The following NAV3 variants were observed in gnomAD, a reference collection of about 807,000 sequenced individuals.
NAV3 encodes neuron navigator 3, also known as pore membrane and/or filament interacting like protein 1.
Under a neutral mutation model 244.7 loss-of-function variants are expected in NAV3, and 87 were observed. The observed-to-expected ratio is 0.36, with a 90% CI of 0.30 to 0.42. The LOEUF is 0.42. NAV3 is among the 20% of genes least tolerant of loss of function. NAV3 has a pLI of 1.00. For missense variants in NAV3, 2,663 were observed against 2,893.3 expected (o/e 0.92, Z 1.83); for synonymous variants, 1,126 against 1,042.2 (o/e 1.08, Z -1.55).
chr12:77,923,011 C>T (rs1375699274), intron 1 of NAV3, among the ~76,000 whole-genome samples: 1 of 151,858 alleles, frequency 6.6e-6, no homozygotes, highest in Non-Finnish European at 1.5e-5. Context: ...TTTCATTTTA[C>T]TCTACAAGTA....
chr12:78,119,650 C>G lies in NAV3; in HGVS notation c.3454C>G (p.Arg1152Gly), dbSNP rs2138623943. 1 of 1,614,078 alleles carries G rather than the reference C, an allele frequency of 6.2e-7. No homozygotes were observed. The highest frequency in any genetic ancestry group is 1.1e-5 in the South Asian group (1 of 91,056). ...ATCCAGCACCAGTGGCATTCCTGGCCGAGGAGGCCACAGATCCAGTACCAG... is the reference window on the plus strand; with the variant it reads ...ATCCAGCACCAGTGGCATTCCTGGCGGAGGAGGCCACAGATCCAGTACCAG... ...SKSSTSGIPG[R>G]GGHRSSTSSI... The change falls in exon 15 of 40, where the codon CGA (arginine) becomes GGA (glycine). Residue 1152 changes from arginine to glycine, a missense_variant. By Grantham distance (125) the Arg-to-Gly change is moderately radical. Transcript: ENST00000397909.
chr12:78,065,152 GTGA>G (rs1472833969), intron 12 of NAV3, among the ~76,000 whole-genome samples: 1 of 152,022 alleles, frequency 6.6e-6, no homozygotes, highest in Non-Finnish European at 1.5e-5. Flanking sequence ...GATAGAGCTG[GTGA>G]TGATACCACC....
At chr12:78,065,848 A>G (rs956172732) in intron 12 of NAV3, among the ~76,000 whole-genome samples, 3 of 152,140 alleles carry the variant, frequency 2.0e-5, no homozygotes, top group African/African-American at 7.2e-5. Context: ...TTTGGGGAGA[A>G]AGGAATTTGA....
chr12:77,846,026 A>G (rs903488997), intron 1 of NAV3, among the ~76,000 whole-genome samples: 4 of 152,222 alleles, frequency 2.6e-5, no homozygotes, highest in Non-Finnish European at 5.9e-5. Flanking sequence ...CAAAAAGCAC[A>G]TAAAGATTAC....
chr12:78,179,732 C>A (rs1475919237), intron 29 of NAV3, 50 bp downstream of exon 29: 2 of 1,556,530 alleles, frequency 1.3e-6, no homozygotes, highest in Non-Finnish European at 8.7e-7. Flanking sequence ...CAAAAAAATG[C>A]TGCTTATTCT....
intron 10 of NAV3, 40 bp from the exon 11 acceptor site, chr12:78,050,724 G>A (rs1458311035): frequency 2.6e-6 from 4 of 1,544,426 alleles, no homozygotes; most frequent in Non-Finnish European, 2.6e-6. Context: ...ATGGCCCTAA[G>A]TGAACCAGAG....
intron 2 of NAV3, among the ~76,000 whole-genome samples, chr12:77,773,018 T>C (rs1399765312): frequency 1.3e-5 from 2 of 152,180 alleles, no homozygotes; most frequent in African/African-American, 2.4e-5. Context: ...TGAGATTCTA[T>C]CATCCCAATT....
intron 23 of NAV3, among the ~76,000 whole-genome samples, chr12:78,167,034 A>G (rs1490013528): frequency 6.6e-6 from 1 of 151,762 alleles, no homozygotes; most frequent in African/African-American, 2.4e-5. Flanking sequence ...TGTACCATTT[A>G]TTTCTTTTTG....
chr12:78,115,415 G>A (rs1955325660), intron 12 of NAV3, among the ~76,000 whole-genome samples: 1 of 152,200 alleles, frequency 6.6e-6, no homozygotes, highest in East Asian at 1.9e-4. Flanking sequence ...GAGAACTGTG[G>A]TCCACCTTTT....
intron 2 of NAV3, among the ~76,000 whole-genome samples, chr12:77,641,455 CAATG>C (rs1409853833): frequency 6.6e-6 from 1 of 151,708 alleles, no homozygotes; most frequent in Non-Finnish European, 1.5e-5. Context: ...AGAAGTAAAA[CAATG>C]AAAGATATAC....
At chr12:77,610,642 C>G (rs930155801) in intron 2 of NAV3, among the ~76,000 whole-genome samples, 1 of 152,052 alleles carries the variant, frequency 6.6e-6, no homozygotes, top group Non-Finnish European at 1.5e-5. Flanking sequence ...GACCTGGAAT[C>G]AGCTGGACTC....
At chr12:78,160,115 C>T (rs913133706) in intron 23 of NAV3, among the ~76,000 whole-genome samples, 2 of 152,002 alleles carry the variant, frequency 1.3e-5, no homozygotes, top group African/African-American at 4.8e-5. Context: ...AGGGATATCA[C>T]CTTTGAAGAA....
chr12:77,757,992 C>T (rs1869268205), intron 2 of NAV3, among the ~76,000 whole-genome samples: 1 of 152,150 alleles, frequency 6.6e-6, no homozygotes, highest in Non-Finnish European at 1.5e-5. Flanking sequence ...GACTCTTTTC[C>T]TTGCTTACTT....
chr12:77,639,059 C>A (rs903314992), intron 2 of NAV3, among the ~76,000 whole-genome samples: 1 of 152,122 alleles, frequency 6.6e-6, no homozygotes, highest in East Asian at 1.9e-4. Context: ...GAGATGGGCA[C>A]AGAGCATACT....
At chr12:77,883,419 T>C (rs1327426644) in intron 1 of NAV3, among the ~76,000 whole-genome samples, 10 of 151,840 alleles carry the variant, frequency 6.6e-5, no homozygotes, top group Non-Finnish European at 1.3e-4. Context: ...ATGGGAACAA[T>C]AGACCCTGCT....
At chr12:78,176,020 C>T (rs1958208968) in intron 25 of NAV3, among the ~76,000 whole-genome samples, 1 of 151,982 alleles carries the variant, frequency 6.6e-6, no homozygotes, top group Non-Finnish European at 1.5e-5. Flanking sequence ...TGAATAGTTT[C>T]ACCCTAAAAG....
intron 2 of NAV3, among the ~76,000 whole-genome samples, chr12:77,731,148 CAGA>C (rs1273149643): frequency 6.6e-6 from 1 of 151,868 alleles, no homozygotes; most frequent in Non-Finnish European, 1.5e-5. Flanking sequence ...GGATTCAGTG[CAGA>C]AGAGAGGCAA....
At chr12:78,080,041 G>A (rs1953267801) in intron 12 of NAV3, among the ~76,000 whole-genome samples, 1 of 152,162 alleles carries the variant, frequency 6.6e-6, no homozygotes, top group African/African-American at 2.4e-5. Flanking sequence ...TTATGAACCT[G>A]TTGCCCTCTT....
chr12:77,779,318 C>T (rs996105672), intron 2 of NAV3, among the ~76,000 whole-genome samples: 2 of 152,184 alleles, frequency 1.3e-5, no homozygotes, highest in African/African-American at 4.8e-5. Flanking sequence ...GTAAAACCAA[C>T]CATTCCAGTA....
Sources: allele counts gnomAD v4.1 joint callset (sites outside exome capture counted in the v4.1 genomes callset), GRCh38; gene constraint gnomAD v4.1.1; transcripts MANE v1.5; gene names NCBI Gene and HGNC (gene_info 2026-07-23, HGNC 2026-07-21).